The following MASP1 variants were observed in gnomAD, a reference collection of about 807,000 sequenced individuals.
MASP1 encodes the protein mannan-binding lectin serine protease 1.
Under a neutral mutation model 77.1 loss-of-function variants are expected in MASP1, and 59 were observed. The ratio of observed to expected loss-of-function variants is 0.77; its 90% CI spans 0.62 to 0.95. The LOEUF (loss-of-function observed/expected upper bound fraction) is 0.95, where lower values mean the gene tolerates loss of function less well. MASP1 is among the 40% of genes least tolerant of loss of function. The pLI is 0.00. For synonymous variants in MASP1, 362 were observed against 354.5 expected, an observed-to-expected ratio of 1.02 and a Z score of -0.24; for missense variants, 885 against 912.9, an observed-to-expected ratio of 0.97 and a Z score of 0.39.
intron 2 of MASP1, among the ~76,000 whole-genome samples, chr3:187,267,300 T>A (rs757307706): frequency 6.6e-6 from 1 of 152,246 alleles, no homozygotes; most frequent in Non-Finnish European, 1.5e-5. Context: ...CCGAGCTATC[T>A]CCTGGAGCCT....
At chr3:187,259,111 G>A (rs763001423) in intron 4 of MASP1, among the ~76,000 whole-genome samples, 4 of 152,184 alleles carry the variant, frequency 2.6e-5, no homozygotes, top group African/African-American at 7.2e-5. Context: ...GAACCCAGAC[G>A]TGACTTTAGC....
chr3:187,217,331 G>A lies in MASP1; in HGVS notation c.*2740C>T, dbSNP rs200194607. On this transcript the variant is annotated 3_prime_UTR_variant, in exon 16 of 16. Coordinates refer to the MASP1 transcript ENST00000337774. ...AGAACTAATGTTTGTTTTTTCATAC[G>A]AGCAACAGCTTCTGTTGTTAATAAA... The A allele has an allele frequency of 1.8e-4, 27 of 152,208 alleles. No homozygotes were observed. The East Asian group carries it at 3.7e-3, about 21-fold the overall frequency. 9.4% of individuals were successfully genotyped at this position (152,208 alleles called of 1,614,324 possible). A position where few individuals can be genotyped will look rare whatever the true frequency, so the allele number is the denominator to read the frequency against.
Position 187,234,334 on chromosome 3 carries a change from G to A in MASP1, c.*1350C>T, listed in dbSNP as rs991504896. 7.7e-5 allele frequency: 99 copies of A among 1,287,250 alleles called. No individual in the cohort carries two copies. The highest frequency in any genetic ancestry group is 3.8e-4 in the African/African-American group (25 of 65,936). The allele number at this position is 1,287,250 out of a possible 1,614,324, so 79.7% of individuals were successfully genotyped here. A position where few individuals can be genotyped will look rare whatever the true frequency, so the allele number is the denominator to read the frequency against. ...GAGATTTTCAGGAGAGAGAGCTCCA[G>A]GGAGAAGGAGAACAATCAGCCCTGT... On this transcript the variant is annotated 3_prime_UTR_variant, in exon 11 of 11. Transcript: ENST00000296280.
At position 187,249,022 on chromosome 3, in the gene MASP1, T is replaced by C. The variant is rs550125545; in HGVS notation, c.1090+1229A>G. Among the ~76,000 whole-genome samples the C allele has an allele frequency of 1.1e-4, 17 of 152,272 alleles. No homozygotes were observed. The Middle Eastern group carries it at 0.01, about 91-fold the overall frequency. On this transcript the variant is annotated intron_variant, in intron 8 of 10. Transcript: ENST00000296280. ...TGCATGAAAATTCATGAAAGGAAGA[T>C]GGGTGGGACCAACTCTAATTCGTTT...
downstream of MASP1, among the ~76,000 whole-genome samples, chr3:187,232,025 T>C (rs972591265): frequency 2.0e-5 from 3 of 152,040 alleles, no homozygotes; most frequent in Non-Finnish European, 4.4e-5. Flanking sequence ...CCTAGAGACT[T>C]GAAACTCACA....
intron 7 of MASP1, 46 bp downstream of exon 7, chr3:187,251,588 G>T: frequency 6.5e-7 from 1 of 1,539,228 alleles, no homozygotes; most frequent in Non-Finnish European, 9.0e-7. Context: ...GGTTTCGAGA[G>T]TTTCTGTGGC....
downstream of MASP1, among the ~76,000 whole-genome samples, chr3:187,230,844 A>G (rs1486033802): frequency 2.6e-5 from 4 of 152,316 alleles, no homozygotes; most frequent in East Asian, 1.9e-4. Context: ...CTGACTCCCA[A>G]TTCTGGGCTT....
chr3:187,268,147 A>C (rs571866570), intron 2 of MASP1, among the ~76,000 whole-genome samples: 2 of 152,328 alleles, frequency 1.3e-5, no homozygotes, highest in Admixed American at 6.5e-5. Flanking sequence ...ATGGTGAATC[A>C]ATTGGCAAAA....
chr3:187,231,714 G>C (rs564590284), downstream of MASP1, among the ~76,000 whole-genome samples: 10 of 152,246 alleles, frequency 6.6e-5, no homozygotes, highest in Non-Finnish European at 8.8e-5. Context: ...TTAAGCAAAG[G>C]CTGGATAAAG....
At chr3:187,278,817 A>C (rs1172732048) in intron 2 of MASP1, among the ~76,000 whole-genome samples, 1 of 152,170 alleles carries the variant, frequency 6.6e-6, no homozygotes, top group Non-Finnish European at 1.5e-5. Context: ...ACTACGCTCC[A>C]CATAGTCATA....
intron 1 of MASP1, among the ~76,000 whole-genome samples, chr3:187,291,086 T>G (rs367831624): frequency 1.3e-5 from 2 of 152,196 alleles, no homozygotes; most frequent in Admixed American, 6.5e-5. Flanking sequence ...TGCAGAAAAT[T>G]TATAGGGAAC....
intron 6 of MASP1, among the ~76,000 whole-genome samples, chr3:187,252,859 G>A (rs748067737): frequency 1.1e-4 from 16 of 152,174 alleles, no homozygotes; most frequent in Non-Finnish European, 1.9e-4. Flanking sequence ...CAAGTCTACT[G>A]AATCACTGTG....
intron 1 of MASP1, among the ~76,000 whole-genome samples, chr3:187,288,257 G>A (rs763096452): frequency 6.6e-6 from 1 of 152,142 alleles, no homozygotes; most frequent in Non-Finnish European, 1.5e-5. Context: ...GGAAGGGAAG[G>A]CATATGTCCA....
intron 2 of MASP1, among the ~76,000 whole-genome samples, chr3:187,264,870 C>CTAGA (rs1158369479): frequency 4.6e-5 from 7 of 152,116 alleles, no homozygotes; most frequent in Admixed American, 2.0e-4. Flanking sequence ...ACTGCATGAA[C>CTAGA]TAGAGTACAC....
chr3:187,241,555 C>T lies in MASP1; in HGVS notation c.1229G>A (p.Gly410Asp), dbSNP rs114365879. ...TCCTTGGGCAGAACAGGTATATATA[C>T]CTGGATTAGTGAAAGAGGTTAGGAG... ...PYYKMLNNNT[G>D]IYTCSAQGVW... The change falls in exon 10 of 11, where the codon GGT becomes GAT. Residue 410 changes from glycine to aspartate, a missense_variant and splice_region_variant. Coordinates refer to ENST00000296280, the MANE Select transcript of MASP1 (RefSeq NM_139125.4). 1 of 1,609,184 alleles carries T rather than the reference C, an allele frequency of 6.2e-7. No homozygotes were observed. Among genetic ancestry groups the T allele is most frequent in the East Asian group, 2.2e-5 (1 of 44,836 alleles).
intron 1 of MASP1, among the ~76,000 whole-genome samples, chr3:187,286,771 C>T (rs1182425871): frequency 6.6e-6 from 1 of 152,234 alleles, no homozygotes; most frequent in East Asian, 1.9e-4. Flanking sequence ...GTACTCACCA[C>T]ACCAGGCTTC....
At chr3:187,283,236 C>A (rs1717580974) in intron 2 of MASP1, among the ~76,000 whole-genome samples, 1 of 152,208 alleles carries the variant, frequency 6.6e-6, no homozygotes. Flanking sequence ...CCAAGAAAGT[C>A]AAGCTTTGGA....
At chr3:187,260,677 T>G (rs954831500) in intron 4 of MASP1, 64 bp downstream of exon 4, 9 of 1,604,264 alleles carry the variant, frequency 5.6e-6, no homozygotes, top group Non-Finnish European at 7.7e-6. Context: ...TCTCTGAGCC[T>G]CATCTAATGT....
At chr3:187,226,184 T>C in intron 12 of MASP1, 1 of 562,076 alleles carries the variant, frequency 1.8e-6, no homozygotes, top group Non-Finnish European at 3.2e-6. Flanking sequence ...CCTCATTTTA[T>C]CGTTGTGAAA....
Sources: allele counts gnomAD v4.1 joint callset (sites outside exome capture counted in the v4.1 genomes callset), GRCh38; gene constraint gnomAD v4.1.1; transcripts MANE v1.5; gene names NCBI Gene and HGNC (gene_info 2026-07-23, HGNC 2026-07-21).